Variants in TMEM182 observed in about 807,000 individuals in gnomAD.
TMEM182 encodes the protein transmembrane protein 182.
TMEM182 carries 20 observed loss-of-function variants against 26.8 expected under a neutral mutation model. The ratio of observed to expected loss-of-function variants is 0.75; its 90% CI spans 0.53 to 1.09. The LOEUF (loss-of-function observed/expected upper bound fraction) is 1.09. Among genes scored for constraint, TMEM182 ranks in the 50% least tolerant of loss-of-function variants. The probability of loss-of-function intolerance (pLI) is 0.00; values close to 1 mark genes in which losing one functional copy is unlikely to be tolerated. For synonymous variants in TMEM182, 109 were observed against 102.2 expected (o/e 1.07, Z -0.40); for missense variants, 277 against 275.5 (o/e 1.01, Z -0.04).
At chr2:102,810,279 A>G (rs1019691845) in intron 4 of TMEM182, among the ~76,000 whole-genome samples, 1 of 152,170 alleles carries the variant, frequency 6.6e-6, no homozygotes, top group Non-Finnish European at 1.5e-5. Context: ...TTCTTACGGT[A>G]TAGTGAAAAG....
intron 4 of TMEM182, among the ~76,000 whole-genome samples, chr2:102,809,295 C>T (rs1403638665): frequency 6.6e-6 from 1 of 152,178 alleles, no homozygotes; most frequent in Non-Finnish European, 1.5e-5. Flanking sequence ...CCCAGTATCT[C>T]CCTTGAAGAA....
intron 1 of TMEM182, among the ~76,000 whole-genome samples, chr2:102,737,739 G>A (rs1037879180): frequency 6.6e-6 from 1 of 152,204 alleles, no homozygotes; most frequent in African/African-American, 2.4e-5. Context: ...ACCAAAAGAT[G>A]CCTTTAAATT....
At chr2:102,791,651 TG>T (rs1374385997) in intron 3 of TMEM182, among the ~76,000 whole-genome samples, 1 of 152,226 alleles carries the variant, frequency 6.6e-6, no homozygotes, top group Non-Finnish European at 1.5e-5. Flanking sequence ...CAGATTCACA[TG>T]TGCTTTCCTT....
rs149385679 is a variant in TMEM182 at position 102,783,725 on chromosome 2, T to C, written c.332-14138T>C. 4.6e-5 allele frequency among the ~76,000 whole-genome samples: 7 copies of C among 152,220 alleles called. No homozygotes were observed. In the East Asian group the frequency reaches 1.4e-3, roughly 29 times the overall value. The stretch of plus-strand genomic sequence containing the variant: ...TGAGCACAGGAGTTTGAGGCTGTAG[T>C]GAGCTATGATCATGCCTGTGAACAG... On this transcript the variant is annotated intron_variant, in intron 3 of 4. Transcript: ENST00000412401.
At chr2:102,805,590 A>C (rs1192509715) in intron 4 of TMEM182, among the ~76,000 whole-genome samples, 2 of 150,972 alleles carry the variant, frequency 1.3e-5, no homozygotes, top group Non-Finnish European at 2.9e-5. Context: ...ATGCTTCCCC[A>C]CACTCCTATC....
chr2:102,834,380 C>A lies in TMEM182; in HGVS notation c.326-9032C>A, dbSNP rs146693691. The A allele has an allele frequency of 3.0e-4, 295 of 984,028 alleles. 6 individuals carry two copies. The East Asian group carries it at 0.028, about 94-fold the overall frequency. The allele number at this position is 984,028 out of a possible 1,614,324, so 61.0% of individuals were successfully genotyped here. ...ATTTCCCTTTTTTTTTCCTTCTGAT[C>A]TTCTCTTGGGATCCTCTGCTGTAAA... On this transcript the variant is annotated intron_variant, in intron 3 of 3. Transcript: ENST00000486293.
upstream of TMEM182, among the ~76,000 whole-genome samples, chr2:102,760,596 A>G (rs971171175): frequency 1.3e-5 from 2 of 151,946 alleles, no homozygotes; most frequent in African/African-American, 4.8e-5. Flanking sequence ...TTAGAATTCT[A>G]TTCATGTTTT....
At chr2:102,744,542 A>G (rs1320246225) in intron 1 of TMEM182, among the ~76,000 whole-genome samples, 1 of 152,140 alleles carries the variant, frequency 6.6e-6, no homozygotes, top group Non-Finnish European at 1.5e-5. Context: ...TCTGACCTAT[A>G]TCATATTCTT....
At chr2:102,748,730 CTG>C (rs1679789052) in intron 1 of TMEM182, among the ~76,000 whole-genome samples, 1 of 152,170 alleles carries the variant, frequency 6.6e-6, no homozygotes, top group Non-Finnish European at 1.5e-5. Context: ...GTCTTTTTCT[CTG>C]TCTTTTCTTT....
At chr2:102,840,094 A>G (rs892552354) in intron 3 of TMEM182, among the ~76,000 whole-genome samples, 2 of 152,178 alleles carry the variant, frequency 1.3e-5, no homozygotes, top group Non-Finnish European at 2.9e-5. Flanking sequence ...TAGAGGCTGC[A>G]ACTTTTACAT....
Position 102,764,320 on chromosome 2 carries a change from T to A in TMEM182, c.233-9T>A. The stretch of plus-strand genomic sequence containing the variant: ...ATAACAAGTGCCATTGTTTTGCTGT[T>A]CTTCCTAGCCAATCAGCCACCGTCC... On this transcript the variant is annotated splice_polypyrimidine_tract_variant and intron_variant, in intron 2 of 4. Transcript: ENST00000412401. 1 of 1,613,656 alleles carries A rather than the reference T, an allele frequency of 6.2e-7. No homozygotes were observed. The highest frequency in any genetic ancestry group is 1.7e-4 in the Middle Eastern group (1 of 6,056).
chr2:102,814,608 A>G, intron 4 of TMEM182, 140 bp from the exon 5 acceptor site: 1 of 691,956 alleles, frequency 1.4e-6, no homozygotes, highest in Non-Finnish European at 2.4e-6. Context: ...AGTACATAAT[A>G]AAAGGTCTGA....
chr2:102,805,913 C>CA (rs960656083), intron 4 of TMEM182, among the ~76,000 whole-genome samples: 24 of 151,526 alleles, frequency 1.6e-4, no homozygotes, highest in Admixed American at 4.6e-4. Context: ...TCTAAAAAAA[C>CA]AAAAAAAACC....
downstream of TMEM182, among the ~76,000 whole-genome samples, chr2:102,820,352 G>A (rs1682894744): frequency 6.6e-6 from 1 of 152,172 alleles, no homozygotes; most frequent in African/African-American, 2.4e-5. Context: ...GGCACTAGAT[G>A]TTAGATACAT....
chr2:102,781,521 T>A (rs1375407344), intron 3 of TMEM182, among the ~76,000 whole-genome samples: 1 of 152,036 alleles, frequency 6.6e-6, no homozygotes, highest in South Asian at 2.1e-4. Flanking sequence ...CTAAACCATG[T>A]GAGAATGAGT....
intron 3 of TMEM182, among the ~76,000 whole-genome samples, chr2:102,796,679 G>T (rs1437955457): frequency 6.6e-6 from 1 of 152,194 alleles, no homozygotes; most frequent in Non-Finnish European, 1.5e-5. Context: ...ACCATGCCAA[G>T]TGGCCAGCAC....
chr2:102,819,356 A>T (rs777937039), downstream of TMEM182, among the ~76,000 whole-genome samples: 1 of 152,196 alleles, frequency 6.6e-6, no homozygotes, highest in African/African-American at 2.4e-5. Context: ...ACTGTAAGAA[A>T]ATTTGATGTA....
chr2:102,825,243 A>G (rs1034309744), intron 3 of TMEM182, among the ~76,000 whole-genome samples: 8 of 152,232 alleles, frequency 5.3e-5, no homozygotes, highest in Non-Finnish European at 1.2e-4. Flanking sequence ...GTTTTTCTTT[A>G]CAAAAGTAAT....
intron 3 of TMEM182, among the ~76,000 whole-genome samples, chr2:102,835,934 G>C (rs1362750491): frequency 6.7e-6 from 1 of 149,304 alleles, no homozygotes; most frequent in Non-Finnish European, 1.5e-5. Context: ...ACCTATGAGT[G>C]AGAACATGCG....
Sources: gnomAD v4.1 joint callset for allele counts (sites outside exome capture counted in the v4.1 genomes callset) on GRCh38, gnomAD v4.1.1 for gene constraint, MANE v1.5 for transcripts, NCBI Gene and HGNC (gene_info 2026-07-23, HGNC 2026-07-21) for gene names.